Variants in HMX1 observed in about 807,000 individuals in gnomAD.
HMX1 encodes H6 family homeobox 1.
HMX1 carries 8 observed loss-of-function variants against 8.9 expected under a neutral mutation model. That is an observed-to-expected ratio of 0.90 (90% CI 0.53 to 1.63). The LOEUF (loss-of-function observed/expected upper bound fraction) is 1.63. HMX1 is among the 40% of genes most tolerant of loss of function. The pLI is 0.00. For synonymous variants in HMX1, 311 were observed against 283.4 expected, an observed-to-expected ratio of 1.10 and a Z score of -0.98; for missense variants, 621 against 558.5, an observed-to-expected ratio of 1.11 and a Z score of -1.13.
chr4:8,861,764 G>A (rs1449588004), intron 1 of HMX1, among the ~76,000 whole-genome samples: 1 of 152,248 alleles, frequency 6.6e-6, no homozygotes, highest in Non-Finnish European at 1.5e-5. Context: ...GACCCTCAGA[G>A]CCCCGGGATC....
rs1013440695 is a variant in HMX1 at position 8,853,600 on chromosome 4, C to T, written c.395-7276G>A. On this transcript the variant is annotated intron_variant, in intron 1 of 1. Coordinates refer to the HMX1 transcript ENST00000506970. The surrounding 1 kb of genome is among the most constrained non-coding windows in gnomAD (Gnocchi z 4.7). ...GGCATGGTGGCTCACACCTGTAATC[C>T]CAGCACTTTGGCAGGCCAAGGCGGG... Among the ~76,000 whole-genome samples, 2 of 152,154 alleles carry T rather than the reference C, an allele frequency of 1.3e-5. No homozygotes were observed. Among genetic ancestry groups the T allele is most frequent in the African/African-American group, 2.4e-5 (1 of 41,422 alleles).
In HMX1 at chr4:8,870,610, C is replaced by T. The variant is rs936541683; in HGVS notation, c.394+611G>A. Among the ~76,000 whole-genome samples, 2 of 152,136 alleles carry T rather than the reference C, an allele frequency of 1.3e-5. No individual in the cohort carries two copies. Among genetic ancestry groups the T allele is most frequent in the African/African-American group, 2.4e-5 (1 of 41,438 alleles). On this transcript the variant is annotated intron_variant, in intron 1 of 1. Coordinates refer to ENST00000400677, the MANE Select transcript of HMX1 (RefSeq NM_018942.3). The surrounding 1 kb of genome is among the most constrained non-coding windows in gnomAD (Gnocchi z 4.4). ...CAGCGGGCACAGAGGAAACAGGACTCTGGGGGGGCACAGCTGCCATGTTAG... is the reference window on the plus strand; with the variant it reads ...CAGCGGGCACAGAGGAAACAGGACTTTGGGGGGGCACAGCTGCCATGTTAG...
intron 1 of HMX1, among the ~76,000 whole-genome samples, chr4:8,861,992 G>A (rs2109465865): frequency 6.6e-6 from 1 of 152,330 alleles, no homozygotes; most frequent in Non-Finnish European, 1.5e-5. Context: ...GCGGCGCCAA[G>A]GACCCTTCAG....
chr4:8,867,141 A>T lies in HMX1; in HGVS notation c.*552T>A, dbSNP rs1722023867. On this transcript the variant is annotated 3_prime_UTR_variant, in exon 2 of 2. Coordinates refer to ENST00000400677, the MANE Select transcript of HMX1 (RefSeq NM_018942.3). Reference sequence around the variant, plus strand: ...GGCTGCGACGTCTGCAGAGAGCCCCAGCCTGCCTGCTCCTGGAACGGACGA... The same window carrying T: ...GGCTGCGACGTCTGCAGAGAGCCCCTGCCTGCCTGCTCCTGGAACGGACGA... 2 of 985,446 alleles carry T rather than the reference A, an allele frequency of 2.0e-6. No individual in the cohort carries two copies. The highest frequency in any genetic ancestry group is 3.5e-5 in the African/African-American group (2 of 57,268). 61.0% of individuals were successfully genotyped at this position (985,446 alleles called of 1,614,324 possible). A position where few individuals can be genotyped will look rare whatever the true frequency, so the allele number is the denominator to read the frequency against.
Position 8,868,283 on chromosome 4 carries a change from G to C in HMX1, c.457C>G (p.Arg153Gly). 1 of 1,438,456 alleles carries C rather than the reference G, an allele frequency of 7.0e-7. No homozygotes were observed. Among genetic ancestry groups the C allele is most frequent in the Non-Finnish European group, 9.1e-7 (1 of 1,101,534 alleles). The allele number at this position is 1,438,456 out of a possible 1,614,324, so 89.1% of individuals were successfully genotyped here. A position where few individuals can be genotyped will look rare whatever the true frequency, so the allele number is the denominator to read the frequency against. ...TGCACCGCTCCCGGCCCGGGGCCTC[G>C]CGGCCAGGCGCCCTCCGCACGGCCC... is the stretch of plus-strand genomic sequence containing the variant. ...EMGRAEGAWP[R>G]GPGPGAVQRE... The change falls in exon 2 of 2, where the codon CGA becomes GGA. Residue 153 changes from arginine to glycine, a missense_variant. Transcript: ENST00000400677. The surrounding 1 kb of genome is among the most constrained non-coding windows in gnomAD (Gnocchi z 4.6).
chr4:8,861,412 C>T (rs751338793), intron 1 of HMX1, among the ~76,000 whole-genome samples: 4 of 152,206 alleles, frequency 2.6e-5, no homozygotes, highest in African/African-American at 7.2e-5. Flanking sequence ...CACGCCCTGT[C>T]TCCCCGACCC....
At chr4:8,859,782 G>A (rs1224103778) in intron 1 of HMX1, among the ~76,000 whole-genome samples, 1 of 152,224 alleles carries the variant, frequency 6.6e-6, no homozygotes, top group East Asian at 1.9e-4. Context: ...TGGGAATACC[G>A]TGGAACAAGG....
chr4:8,858,385 G>A (rs1370198785), intron 1 of HMX1, among the ~76,000 whole-genome samples: 1 of 152,214 alleles, frequency 6.6e-6, no homozygotes, highest in East Asian at 1.9e-4. Flanking sequence ...GGGGCAAAAG[G>A]GAGCAGCCTC....
chr4:8,846,235 C>T (rs1284944961), exon 2 of HMX1: 1 of 1,532,684 alleles, frequency 6.5e-7, no homozygotes, highest in Non-Finnish European at 8.7e-7. Flanking sequence ...CAGAGGCTCC[C>T]ACTGTCACTT....
chr4:8,857,663 T>C (rs1220225771), intron 1 of HMX1, among the ~76,000 whole-genome samples: 1 of 152,018 alleles, frequency 6.6e-6, no homozygotes, highest in Admixed American at 6.5e-5. Context: ...TTCCGGATCG[T>C]TCCGCCGTTC....
downstream of HMX1, among the ~76,000 whole-genome samples, chr4:8,864,497 G>T (rs747545390): frequency 3.9e-5 from 6 of 152,212 alleles, no homozygotes; most frequent in Non-Finnish European, 4.4e-5. Context: ...TCTTCTGCCA[G>T]TGGTGGAGCC....
chr4:8,851,755 C>T (rs1410172474), intron 1 of HMX1, among the ~76,000 whole-genome samples: 1 of 152,250 alleles, frequency 6.6e-6, no homozygotes, highest in Non-Finnish European at 1.5e-5. Flanking sequence ...AGCCTGAAGT[C>T]TAACCCCCAA....
chr4:8,848,591 C>G lies in HMX1; in HGVS notation c.395-2267G>C, dbSNP rs929994086. ...CATGTGGATGGAGCTGGGCCCATAA[C>G]TTGGCACTTGCTCCAGGCATGCTTG... is the stretch of plus-strand genomic sequence containing the variant. On this transcript the variant is annotated intron_variant, in intron 1 of 1. Coordinates refer to the HMX1 transcript ENST00000506970. This position sits in a 1 kb window ranked among gnomAD's most constrained non-coding sequence, Gnocchi z 4.1. Among the ~76,000 whole-genome samples the G allele has an allele frequency of 3.9e-5, 6 of 152,236 alleles. No homozygotes were observed. Among genetic ancestry groups the G allele is most frequent in the South Asian group, 4.1e-4 (2 of 4,834 alleles).
Position 8,868,103 on chromosome 4 carries a change from T to C in HMX1, c.637A>G (p.Ser213Gly). Residue 213 changes from serine (S) to glycine (G), a missense_variant, in exon 2 of 2, where the codon AGC (serine) becomes GGC (glycine). Physicochemically the swap from Ser to Gly is moderately conservative, Grantham distance 56 (BLOSUM62 0). Coordinates refer to ENST00000400677, the MANE Select transcript of HMX1 (RefSeq NM_018942.3). The surrounding 1 kb of genome is among the most constrained non-coding windows in gnomAD (Gnocchi z 4.6). ...GTGGATTCCAGCTGGAAGACCTGGC[T>C]GCGGGAGAAGACTGTGCGCGTCTTC... ...KKKTRTVFSRSQVFQLESTFD... is the reference protein window; with the variant it reads ...KKKTRTVFSRGQVFQLESTFD... The C allele has an allele frequency of 1.3e-6, 2 of 1,514,600 alleles. No homozygotes were observed. The highest frequency in any genetic ancestry group is 1.8e-6 in the Non-Finnish European group (2 of 1,133,566). 93.8% of individuals were successfully genotyped at this position (1,514,600 alleles called of 1,614,324 possible). A position where few individuals can be genotyped will look rare whatever the true frequency, so the allele number is the denominator to read the frequency against.
At chr4:8,855,878 G>C (rs1250041342) in intron 1 of HMX1, among the ~76,000 whole-genome samples, 8 of 152,176 alleles carry the variant, frequency 5.3e-5, no homozygotes, top group African/African-American at 1.9e-4. Context: ...GCGGGAGCTG[G>C]AAAGAGGAGG....
chr4:8,871,833 G>T lies in HMX1; in HGVS notation c.-219C>A. 2.3e-6 allele frequency: 1 copy of T among 436,970 alleles called. No individual in the cohort carries two copies. Among genetic ancestry groups the T allele is most frequent in the Non-Finnish European group, 3.0e-6 (1 of 333,538 alleles). 27.1% of individuals were successfully genotyped at this position (436,970 alleles called of 1,614,324 possible). ...AGCTGATCGGGCAGCCGCCTGGCTC[G>T]CCTTTCAGGTCGCCGTTCTGGTCGC... On this transcript the variant is annotated 5_prime_UTR_variant, in exon 1 of 2. Coordinates refer to ENST00000400677, the MANE Select transcript of HMX1 (RefSeq NM_018942.3). The surrounding 1 kb of genome is among the most constrained non-coding windows in gnomAD (Gnocchi z 4.8).
chr4:8,856,712 C>T (rs1721617427), intron 1 of HMX1, among the ~76,000 whole-genome samples: 1 of 152,220 alleles, frequency 6.6e-6, no homozygotes, highest in African/African-American at 2.4e-5. Context: ...TTTCCATCTT[C>T]TACCTGGTTA....
Position 8,867,825 on chromosome 4 carries a change from C to T in HMX1, c.915G>A (p.Pro305=), listed in dbSNP as rs1722059068. The change falls in exon 2 of 2, where the codon CCG becomes CCA. Residue 305 remains proline, a synonymous_variant. Coordinates refer to ENST00000400677, the MANE Select transcript of HMX1 (RefSeq NM_018942.3). ...AAGPPATLPF[P]LAPAAPAPPP... is the part of the protein sequence containing the mutation. ...GCGGCGCGGGCGCGGCGGGCGCCAG[C>T]GGGAAGGGCAGGGTGGCCGGGGGCC... 8.2e-7 allele frequency: 1 copy of T among 1,225,920 alleles called. No individual in the cohort carries two copies. The highest frequency in any genetic ancestry group is 1.0e-6 in the Non-Finnish European group (1 of 986,322). 75.9% of individuals were successfully genotyped at this position (1,225,920 alleles called of 1,614,324 possible).
Position 8,868,847 on chromosome 4 carries a change from A to G in HMX1, c.395-502T>C, listed in dbSNP as rs1007816229. Among the ~76,000 whole-genome samples the G allele has an allele frequency of 1.3e-5, 2 of 152,086 alleles. No individual in the cohort carries two copies. The highest frequency in any genetic ancestry group is 4.8e-5 in the African/African-American group (2 of 41,412). On this transcript the variant is annotated intron_variant, in intron 1 of 1. Transcript: ENST00000400677. This position sits in a 1 kb window ranked among gnomAD's most constrained non-coding sequence, Gnocchi z 4.6. ...CCACCTGGCATCCAGCCCCACGCCA[A>G]GCTCCCCAGAAGGAGGAATGAAGAG...
Sources: allele counts gnomAD v4.1 joint callset (sites outside exome capture counted in the v4.1 genomes callset), GRCh38; gene constraint gnomAD v4.1.1; non-coding constraint Gnocchi (gnomAD v3.1); transcripts MANE v1.5; gene names NCBI Gene and HGNC (gene_info 2026-07-23, HGNC 2026-07-21).